ATP2B2: variants seen among roughly 807,000 people sequenced by gnomAD.
ATP2B2 encodes ATPase plasma membrane Ca2+ transporting 2.
ATP2B2 carries 15 observed loss-of-function variants against 120.0 expected under a neutral mutation model. The ratio of observed to expected loss-of-function variants is 0.12; its 90% CI spans 0.08 to 0.19. ATP2B2 has a LOEUF of 0.19. Ranked by LOEUF, ATP2B2 falls within the 10% of genes least tolerant of loss-of-function variation. The probability of loss-of-function intolerance (pLI) is 1.00; values close to 1 mark genes in which losing one functional copy is unlikely to be tolerated. For missense variants in ATP2B2, 1,045 were observed against 1,719.8 expected (o/e 0.61, Z 6.94); for synonymous variants, 694 against 700.3 (o/e 0.99, Z 0.14).
intron 2 of ATP2B2, among the ~76,000 whole-genome samples, chr3:10,605,001 CCTG>C (rs1488843164): frequency 6.6e-6 from 1 of 152,188 alleles, no homozygotes; most frequent in African/African-American, 2.4e-5. Flanking sequence ...TAAAAGTGCT[CCTG>C]CTGCTTTTAA....
intron 1 of ATP2B2, among the ~76,000 whole-genome samples, chr3:10,657,253 C>G (rs1421594510): frequency 1.3e-5 from 2 of 152,184 alleles, no homozygotes; most frequent in Non-Finnish European, 2.9e-5. Flanking sequence ...CCTTTTACAC[C>G]CCTGTGCCTT....
rs562971082 is a variant in ATP2B2 at position 10,552,299 on chromosome 3, C to A, written c.-414-18166G>T. Among the ~76,000 whole-genome samples, 481 of 152,346 alleles carry A rather than the reference C, an allele frequency of 3.2e-3. 3 individuals are homozygous for A. Among genetic ancestry groups the A allele is most frequent in the Non-Finnish European group, 5.3e-3 (359 of 68,030 alleles). On this transcript the variant is annotated intron_variant, in intron 2 of 21. Transcript: ENST00000646379. ...GGAAGAGGGGGCCCTTCTCCTCCTG[C>A]AAGGTGAGTGGGGCACAGAGGGAAC...
intron 1 of ATP2B2, among the ~76,000 whole-genome samples, chr3:10,690,484 C>A (rs971595233): frequency 2.7e-5 from 4 of 147,574 alleles, no homozygotes; most frequent in Non-Finnish European, 1.5e-5. Flanking sequence ...ATCTATATAT[C>A]TCCTTCACCC....
chr3:10,577,556 C>T (rs960531752), intron 2 of ATP2B2, among the ~76,000 whole-genome samples: 1 of 152,200 alleles, frequency 6.6e-6, no homozygotes, highest in African/African-American at 2.4e-5. Flanking sequence ...CCATCATCCT[C>T]ATTAATCTCC....
chr3:10,672,181 G>C (rs2071117708), intron 1 of ATP2B2, among the ~76,000 whole-genome samples: 1 of 152,166 alleles, frequency 6.6e-6, no homozygotes, highest in African/African-American at 2.4e-5. Context: ...TCTGCTGGGA[G>C]AGAACCACAA....
intron 5 of ATP2B2, among the ~76,000 whole-genome samples, chr3:10,399,668 C>T (rs774093417): frequency 7.9e-5 from 12 of 152,206 alleles, no homozygotes; most frequent in Non-Finnish European, 1.3e-4. Flanking sequence ...TAAATAAATG[C>T]CCCCACCTCT....
chr3:10,570,459 T>C (rs1292402544), intron 2 of ATP2B2: 2 of 152,144 alleles, frequency 1.3e-5, no homozygotes, highest in African/African-American at 2.4e-5. Context: ...GCTTGGTCCA[T>C]TGTTAGTGAT....
At chr3:10,431,063 T>A (rs1365435576) in intron 2 of ATP2B2, among the ~76,000 whole-genome samples, 2 of 152,080 alleles carry the variant, frequency 1.3e-5, no homozygotes. Context: ...AGTGAATTGC[T>A]GCAATCTTGT....
At chr3:10,530,699 A>C (rs900674268) in intron 3 of ATP2B2, among the ~76,000 whole-genome samples, 5 of 152,156 alleles carry the variant, frequency 3.3e-5, no homozygotes, top group African/African-American at 7.2e-5. Context: ...TTAAAGCCCT[A>C]CTTTGTGCCA....
chr3:10,440,081 AAC>A (rs1242115866), intron 2 of ATP2B2, among the ~76,000 whole-genome samples: 1 of 140,190 alleles, frequency 7.1e-6, no homozygotes, highest in Non-Finnish European at 1.5e-5. Context: ...CAGCCTGGGC[AAC>A]AGAGTGAGAC....
At chr3:10,469,912 C>A (rs1388054017) in intron 1 of ATP2B2, among the ~76,000 whole-genome samples, 1 of 152,092 alleles carries the variant, frequency 6.6e-6, no homozygotes, top group African/African-American at 2.4e-5. Context: ...GGTTGCCTGG[C>A]AACCATGCAG....
chr3:10,351,721 C>A (rs142245011), intron 14 of ATP2B2, among the ~76,000 whole-genome samples: 1 of 152,218 alleles, frequency 6.6e-6, no homozygotes, highest in Non-Finnish European at 1.5e-5. Flanking sequence ...TCACGGTAAG[C>A]CCTAATCCAA....
At chr3:10,673,642 A>G (rs545074649) in intron 1 of ATP2B2, among the ~76,000 whole-genome samples, 1 of 151,976 alleles carries the variant, frequency 6.6e-6, no homozygotes, top group East Asian at 1.9e-4. Context: ...TCTACCAAAA[A>G]TAGAAACAAA....
intron 1 of ATP2B2, among the ~76,000 whole-genome samples, chr3:10,673,722 G>A (rs147534383): frequency 0.016 from 2,312 of 147,554 alleles, 29 homozygotes; most frequent in Middle Eastern, 0.025. Context: ...TGGGAGTATC[G>A]CTTGAGCCTG....
intron 1 of ATP2B2, among the ~76,000 whole-genome samples, chr3:10,504,568 C>CA (rs1292407330): frequency 6.6e-6 from 1 of 151,454 alleles, no homozygotes; most frequent in Non-Finnish European, 1.5e-5. Context: ...GAGCACCCCC[C>CA]CAACCCCCAA....
intron 3 of ATP2B2, among the ~76,000 whole-genome samples, chr3:10,525,969 C>A (rs1284310188): frequency 1.3e-5 from 2 of 152,166 alleles, no homozygotes; most frequent in Non-Finnish European, 2.9e-5. Flanking sequence ...GTTTACTCAT[C>A]TTCAAAGTGG....
intron 21 of ATP2B2, among the ~76,000 whole-genome samples, chr3:10,339,728 C>G (rs562491382): frequency 2.0e-5 from 3 of 152,174 alleles, no homozygotes; most frequent in African/African-American, 7.2e-5. Context: ...GTCCTGCTTG[C>G]GTTCCCTCTG....
intron 1 of ATP2B2, among the ~76,000 whole-genome samples, chr3:10,676,145 G>T (rs562384563): frequency 6.6e-6 from 1 of 152,166 alleles, no homozygotes; most frequent in Non-Finnish European, 1.5e-5. Flanking sequence ...GATCAATGAA[G>T]AAGGAAGAAA....
At position 10,402,771 on chromosome 3, in the gene ATP2B2, T is replaced by C. The variant is rs2124974954; in HGVS notation, c.398-423A>G. Reference sequence around the variant, plus strand: ...CTCATCTGGGTAAGAATATTCTCTATCTCGGGGACCTATTGTCAGAGTTGA... The same window carrying C: ...CTCATCTGGGTAAGAATATTCTCTACCTCGGGGACCTATTGTCAGAGTTGA... On this transcript the variant is annotated intron_variant, in intron 3 of 22. Coordinates refer to ENST00000360273, the MANE Select transcript of ATP2B2 (RefSeq NM_001001331.4). The surrounding 1 kb of genome is among the most constrained non-coding windows in gnomAD (Gnocchi z 4.9). Among the ~76,000 whole-genome samples the C allele has an allele frequency of 6.6e-6, 1 of 152,338 alleles. No individual in the cohort carries two copies. Among genetic ancestry groups the C allele is most frequent in the Non-Finnish European group, 1.5e-5 (1 of 68,036 alleles).
Sources: gnomAD v4.1 joint callset for allele counts (sites outside exome capture counted in the v4.1 genomes callset) on GRCh38, gnomAD v4.1.1 for gene constraint, Gnocchi (gnomAD v3.1) non-coding constraint, MANE v1.5 for transcripts, NCBI Gene and HGNC (gene_info 2026-07-23, HGNC 2026-07-21) for gene names.